The following SAMD5 variants were observed in gnomAD, a reference collection of about 807,000 sequenced individuals.
SAMD5 encodes the protein sterile alpha motif domain containing 5, also known as sterile alpha motif domain-containing protein 5.
In SAMD5, 13 loss-of-function variants were observed where a neutral mutation model predicts 11.3. That is an observed-to-expected ratio of 1.15 (90% CI 0.75 to 1.83). The LOEUF (loss-of-function observed/expected upper bound fraction) is 1.83. Ranked by LOEUF, SAMD5 falls within the 40% of genes most tolerant of loss-of-function variation. The probability of loss-of-function intolerance (pLI) is 0.00; values close to 1 mark genes in which losing one functional copy is unlikely to be tolerated. For missense variants in SAMD5, 255 were observed against 239.1 expected, an observed-to-expected ratio of 1.07 and a Z score of -0.44; for synonymous variants, 129 against 111.3, an observed-to-expected ratio of 1.16 and a Z score of -1.00.
At chr6:147,687,673 T>G (rs1791037922) in intron 1 of SAMD5, among the ~76,000 whole-genome samples, 2 of 152,236 alleles carry the variant, frequency 1.3e-5, no homozygotes, top group African/African-American at 4.8e-5. Flanking sequence ...TATTTTCTCT[T>G]CATTTATAAA....
At chr6:147,631,929 C>T (rs1304089601) in intron 1 of SAMD5, among the ~76,000 whole-genome samples, 1 of 152,088 alleles carries the variant, frequency 6.6e-6, no homozygotes, top group Non-Finnish European at 1.5e-5. Flanking sequence ...TGGCTTGTAA[C>T]CTACAAGGAA....
chr6:147,626,379 CT>C (rs879585437), intron 1 of SAMD5, among the ~76,000 whole-genome samples: 72 of 146,846 alleles, frequency 4.9e-4, no homozygotes, highest in African/African-American at 1.4e-3. Flanking sequence ...AATTGCTTTC[CT>C]TTTTTTTTTC....
At chr6:147,795,874 G>A in the SAMD5 span, among the ~76,000 whole-genome samples, 1 of 152,162 alleles carries the variant, frequency 6.6e-6, no homozygotes, top group Non-Finnish European at 1.5e-5. Context: ...CTTTTGAGAA[G>A]TGTCTGTTCA....
chr6:147,722,374 T>C (rs1791567934), intron 1 of SAMD5, among the ~76,000 whole-genome samples: 1 of 152,210 alleles, frequency 6.6e-6, no homozygotes, highest in African/African-American at 2.4e-5. Flanking sequence ...AACTGTTTTT[T>C]CCCCTAAGGC....
chr6:147,561,394 G>A (rs1583083590), intron 1 of SAMD5, among the ~76,000 whole-genome samples: 1 of 152,082 alleles, frequency 6.6e-6, no homozygotes, highest in Non-Finnish European at 1.5e-5. Flanking sequence ...CACCATTTTG[G>A]CCAGGATGGT....
At chr6:147,818,095 G>A in the SAMD5 span, among the ~76,000 whole-genome samples, 1 of 152,212 alleles carries the variant, frequency 6.6e-6, no homozygotes, top group Admixed American at 6.5e-5. Flanking sequence ...ATGTACACAG[G>A]TGAACACATT....
chr6:147,642,728 A>G (rs1295445454), intron 1 of SAMD5, among the ~76,000 whole-genome samples: 3 of 152,192 alleles, frequency 2.0e-5, no homozygotes, highest in African/African-American at 7.2e-5. Context: ...TAGCTATGCA[A>G]TCCCAGTCTT....
intron 1 of SAMD5, among the ~76,000 whole-genome samples, chr6:147,630,811 A>T (rs544872772): frequency 6.6e-6 from 1 of 152,230 alleles, no homozygotes; most frequent in Admixed American, 6.5e-5. Flanking sequence ...CCTTCTCTTA[A>T]TTTCAATTCC....
the SAMD5 span, among the ~76,000 whole-genome samples, chr6:147,870,544 C>T: frequency 1.3e-5 from 2 of 150,912 alleles, no homozygotes; most frequent in South Asian, 4.2e-4. Flanking sequence ...ACAATATTCT[C>T]CTTGGCAAAT....
chr6:147,604,240 T>G (rs977179), intron 1 of SAMD5, among the ~76,000 whole-genome samples: 3,200 of 151,844 alleles, frequency 0.021, 112 homozygotes, highest in African/African-American at 0.074. Context: ...GATGCTTAAG[T>G]ATCAGAACTT....
At chr6:147,885,775 T>G in the SAMD5 span, among the ~76,000 whole-genome samples, 22 of 152,196 alleles carry the variant, frequency 1.4e-4, no homozygotes, top group Admixed American at 1.4e-3. Context: ...GGAGAAATCC[T>G]TGGAGCAATG....
At chr6:147,858,210 C>T in the SAMD5 span, among the ~76,000 whole-genome samples, 25 of 152,140 alleles carry the variant, frequency 1.6e-4, no homozygotes, top group African/African-American at 2.9e-4. Flanking sequence ...TAAATGAACC[C>T]GATCGCTGTT....
chr6:147,678,580 G>A (rs1253940241), intron 1 of SAMD5, among the ~76,000 whole-genome samples: 3 of 152,172 alleles, frequency 2.0e-5, no homozygotes, highest in African/African-American at 7.2e-5. Context: ...TAGGCAGAAA[G>A]ATGGGGGACC....
intron 1 of SAMD5, among the ~76,000 whole-genome samples, chr6:147,547,478 A>G (rs555356888): frequency 0.43 from 3,586 of 8,416 alleles, 145 homozygotes; most frequent in Middle Eastern, 0.5. Context: ...GCCATGGTCC[A>G]CTCTCTTGAG....
At chr6:147,702,039 A>G (rs1246332256) in intron 1 of SAMD5, among the ~76,000 whole-genome samples, 1 of 152,230 alleles carries the variant, frequency 6.6e-6, no homozygotes, top group Non-Finnish European at 1.5e-5. Flanking sequence ...TGGGTAATTT[A>G]TAAAGGAAAG....
chr6:147,909,575 T>TTCCTTCCTTCCTTCCTTC, the SAMD5 span, among the ~76,000 whole-genome samples: 2 of 57,088 alleles, frequency 3.5e-5, no homozygotes, highest in African/African-American at 2.2e-4. Flanking sequence ...TTTCTTTCTT[T>TTCCTTCCTTCCTTCCTTC]CTTTCTTTCT....
chr6:147,950,129 T>C, the SAMD5 span, among the ~76,000 whole-genome samples: 8 of 152,156 alleles, frequency 5.3e-5, no homozygotes, highest in African/African-American at 1.9e-4. Flanking sequence ...GGCATTGAAA[T>C]TTTCACGCAG....
the SAMD5 span, among the ~76,000 whole-genome samples, chr6:147,951,209 G>C: frequency 6.7e-6 from 1 of 148,324 alleles, no homozygotes; most frequent in East Asian, 2.0e-4. Flanking sequence ...TTATGACGGA[G>C]TCTCGCTCTG....
chr6:147,834,589 G>A, the SAMD5 span, among the ~76,000 whole-genome samples: 1 of 152,292 alleles, frequency 6.6e-6, no homozygotes, highest in Non-Finnish European at 1.5e-5. Flanking sequence ...GCACTCATTT[G>A]TATTCCCTTG....
Sources: gnomAD v4.1 joint callset for allele counts (sites outside exome capture counted in the v4.1 genomes callset) on GRCh38, gnomAD v4.1.1 for gene constraint, MANE v1.5 for transcripts, NCBI Gene and HGNC (gene_info 2026-07-23, HGNC 2026-07-21) for gene names.